KHDRBS2: variants seen among roughly 807,000 people sequenced by gnomAD.
KHDRBS2 encodes KH domain-containing, RNA-binding, signal transduction-associated protein 2.
Under a neutral mutation model 44.3 loss-of-function variants are expected in KHDRBS2, and 26 were observed. The observed-to-expected ratio is 0.59, with a 90% CI of 0.43 to 0.81. The LOEUF (loss-of-function observed/expected upper bound fraction) is 0.81. Among genes scored for constraint, KHDRBS2 ranks in the 40% least tolerant of loss-of-function variants. The probability of loss-of-function intolerance (pLI) is 0.00; values close to 1 mark genes in which losing one functional copy is unlikely to be tolerated. For missense variants in KHDRBS2, 476 were observed against 433.1 expected (o/e 1.10, Z -0.88); for synonymous variants, 194 against 151.1 (o/e 1.28, Z -2.08).
intron 2 of KHDRBS2, among the ~76,000 whole-genome samples, chr6:62,056,015 T>G (rs1010324536): frequency 1.1e-4 from 16 of 151,980 alleles, no homozygotes; most frequent in Non-Finnish European, 1.9e-4. Flanking sequence ...GGAGCTCTGG[T>G]TTCTCCCCTG....
At chr6:61,897,116 C>A (rs960675802) in intron 5 of KHDRBS2, among the ~76,000 whole-genome samples, 1 of 152,110 alleles carries the variant, frequency 6.6e-6, no homozygotes, top group Admixed American at 6.6e-5. Flanking sequence ...CATATCTTGG[C>A]TTGTGTTCCT....
chr6:61,713,366 T>G (rs1022577261), intron 7 of KHDRBS2, among the ~76,000 whole-genome samples: 2 of 151,768 alleles, frequency 1.3e-5, no homozygotes, highest in Non-Finnish European at 2.9e-5. Flanking sequence ...TATCTTCTTT[T>G]GACTCTATCC....
At chr6:61,650,986 A>G in the KHDRBS2 span, among the ~76,000 whole-genome samples, 1 of 152,144 alleles carries the variant, frequency 6.6e-6, no homozygotes, top group Admixed American at 6.6e-5. Flanking sequence ...TCCAATGTGT[A>G]CATTCTCTCT....
chr6:61,559,163 A>G, the KHDRBS2 span, among the ~76,000 whole-genome samples: 1 of 152,176 alleles, frequency 6.6e-6, no homozygotes, highest in African/African-American at 2.4e-5. Flanking sequence ...TTATCATTAT[A>G]TAGTGAACTA....
intron 3 of KHDRBS2, among the ~76,000 whole-genome samples, chr6:61,995,472 T>A (rs1776998009): frequency 6.6e-6 from 1 of 152,170 alleles, no homozygotes; most frequent in South Asian, 2.1e-4. Flanking sequence ...AAGGAGCAAG[T>A]CAAGAAGAAG....
intron 4 of KHDRBS2, among the ~76,000 whole-genome samples, chr6:61,928,491 A>G (rs1350214720): frequency 1.3e-5 from 2 of 152,114 alleles, no homozygotes; most frequent in South Asian, 4.1e-4. Context: ...CTATTGATGC[A>G]TGAGTATTTT....
intron 2 of KHDRBS2, among the ~76,000 whole-genome samples, chr6:62,138,084 C>T (rs1391650019): frequency 6.6e-6 from 1 of 152,206 alleles, no homozygotes; most frequent in South Asian, 2.1e-4. Context: ...GACTCTGCCA[C>T]AGAAGCACAA....
chr6:61,830,456 C>A (rs1258365489), intron 6 of KHDRBS2, among the ~76,000 whole-genome samples: 6 of 152,166 alleles, frequency 3.9e-5, no homozygotes, highest in Non-Finnish European at 7.4e-5. Flanking sequence ...AACCATAGAA[C>A]ATTTTGGAAA....
chr6:61,801,124 C>T (rs1786186793), intron 6 of KHDRBS2, among the ~76,000 whole-genome samples: 1 of 152,150 alleles, frequency 6.6e-6, no homozygotes, highest in African/African-American at 2.4e-5. Flanking sequence ...TACACTACAT[C>T]AATAGTTTTC....
chr6:62,272,804 C>T (rs776199476), intron 1 of KHDRBS2, among the ~76,000 whole-genome samples: 3 of 151,994 alleles, frequency 2.0e-5, no homozygotes, highest in African/African-American at 4.8e-5. Context: ...TTTATAATAT[C>T]GTATGTAGTT....
rs1584671425 is a variant in KHDRBS2, at chr6:62,096,516, T to C, written c.220-48522A>G. Among the ~76,000 whole-genome samples the C allele has an allele frequency of 2.0e-5, 3 of 152,050 alleles. 1 individual carries two copies. The highest frequency in any genetic ancestry group is 3.4e-3 in the Middle Eastern group (1 of 294). ...TTTCCAATATGTGGGGGTATAATTG[T>C]TCACAATAGTCTCTAGTGATTCTTT... On this transcript the variant is annotated intron_variant, in intron 2 of 8. Transcript: ENST00000281156.
intron 2 of KHDRBS2, among the ~76,000 whole-genome samples, chr6:62,087,194 T>A (rs1798556627): frequency 6.6e-6 from 1 of 151,988 alleles, no homozygotes. Flanking sequence ...AGAATATTGA[T>A]CCATATAACA....
chr6:61,752,129 A>G (rs1777792651), intron 6 of KHDRBS2, among the ~76,000 whole-genome samples: 1 of 152,146 alleles, frequency 6.6e-6, no homozygotes, highest in Admixed American at 6.5e-5. Context: ...GGAAGACGCA[A>G]TTCCACCCAT....
chr6:61,723,132 T>C (rs1772961907), intron 7 of KHDRBS2, among the ~76,000 whole-genome samples: 1 of 150,610 alleles, frequency 6.6e-6, no homozygotes, highest in Non-Finnish European at 1.5e-5. Context: ...ACAGCAGGAC[T>C]ATAGACAAGT....
intron 2 of KHDRBS2, among the ~76,000 whole-genome samples, chr6:62,138,711 T>C (rs1292913211): frequency 6.6e-6 from 1 of 152,216 alleles, no homozygotes; most frequent in Non-Finnish European, 1.5e-5. Context: ...AACTAGAATT[T>C]ATGAACCCAT....
intron 2 of KHDRBS2, among the ~76,000 whole-genome samples, chr6:62,140,002 T>A (rs1431821852): frequency 1.3e-5 from 2 of 152,036 alleles, no homozygotes; most frequent in Non-Finnish European, 2.9e-5. Context: ...AGTTAAAATA[T>A]CGTAAATGTC....
At chr6:61,626,621 G>C in the KHDRBS2 span, among the ~76,000 whole-genome samples, 1 of 152,084 alleles carries the variant, frequency 6.6e-6, no homozygotes, top group Non-Finnish European at 1.5e-5. Context: ...CTAGACATTT[G>C]GTTAAGAAAG....
intron 2 of KHDRBS2, among the ~76,000 whole-genome samples, chr6:62,130,568 T>C (rs1181622357): frequency 6.6e-6 from 1 of 151,982 alleles, no homozygotes; most frequent in African/African-American, 2.4e-5. Flanking sequence ...TAATTGTTTT[T>C]ACTATATTAA....
chr6:62,206,018 T>C (rs1006948571), intron 1 of KHDRBS2, among the ~76,000 whole-genome samples: 2 of 152,146 alleles, frequency 1.3e-5, no homozygotes, highest in African/African-American at 4.8e-5. Context: ...CTGAAGGAGC[T>C]TAAGAGGAAA....
Sources: allele counts gnomAD v4.1 joint callset (sites outside exome capture counted in the v4.1 genomes callset), GRCh38; gene constraint gnomAD v4.1.1; transcripts MANE v1.5; gene names NCBI Gene and HGNC (gene_info 2026-07-23, HGNC 2026-07-21).